PRDM16: variants seen among roughly 807,000 people sequenced by gnomAD.
PRDM16 encodes the protein PR/SET domain 16.
A neutral mutation model predicts 110.6 loss-of-function variants in PRDM16; 23 were observed. The observed-to-expected ratio is 0.21, with a 90% confidence interval of 0.15 to 0.29. The LOEUF (loss-of-function observed/expected upper bound fraction) is 0.29, where lower values mean the gene tolerates loss of function less well. PRDM16 is among the 10% of genes least tolerant of loss of function. PRDM16 has a pLI of 1.00. For synonymous variants in PRDM16, 799 were observed against 781.8 expected (o/e 1.02, Z -0.37); for missense variants, 1,615 against 1,794.3 (o/e 0.90, Z 1.81).
At chr1:3,225,567 T>TGCGCGCGC (rs1366449613) in intron 2 of PRDM16, among the ~76,000 whole-genome samples, 2 of 124,166 alleles carry the variant, frequency 1.6e-5, no homozygotes, top group African/African-American at 7.7e-5. Context: ...TGTGTGTGTG[T>TGCGCGCGC]GTGTGTGCGC....
At chr1:3,109,844 C>G (rs552555233) in intron 1 of PRDM16, among the ~76,000 whole-genome samples, 61 of 152,336 alleles carry the variant, frequency 4.0e-4, no homozygotes, top group African/African-American at 1.4e-3. Context: ...AGGGGAAGCT[C>G]ATTTGTGTTG....
chr1:3,418,359 G>A (rs967493931), intron 11 of PRDM16, among the ~76,000 whole-genome samples: 6 of 152,122 alleles, frequency 3.9e-5, no homozygotes, highest in African/African-American at 4.8e-5. Context: ...ACACCCTCCC[G>A]GCCACCCTCT....
At chr1:3,225,510 C>T (rs1345456229) in intron 2 of PRDM16, among the ~76,000 whole-genome samples, 11 of 150,358 alleles carry the variant, frequency 7.3e-5, no homozygotes, top group Non-Finnish European at 5.9e-5. Context: ...CACAGCCTGA[C>T]CTGATGATGT....
chr1:3,225,530 C>CTGTGTGTG (rs57169358), intron 2 of PRDM16, among the ~76,000 whole-genome samples: 6 of 139,128 alleles, frequency 4.3e-5, no homozygotes, highest in Admixed American at 1.4e-4. Context: ...TGCAGCTTGC[C>CTGTGTGTG]TGTGTGTGTG....
At chr1:3,075,126 C>T (rs571798341) in intron 1 of PRDM16, among the ~76,000 whole-genome samples, 1 of 152,386 alleles carries the variant, frequency 6.6e-6, no homozygotes, top group South Asian at 2.1e-4. Context: ...TAGCCTGAGA[C>T]GCGGGAACAA....
chr1:3,118,270 A>T (rs982460881), intron 1 of PRDM16, among the ~76,000 whole-genome samples: 2 of 152,204 alleles, frequency 1.3e-5, no homozygotes, highest in African/African-American at 4.8e-5. Context: ...CAGAAGGCTG[A>T]TCCAGACCTG....
intron 3 of PRDM16, among the ~76,000 whole-genome samples, chr1:3,380,393 G>A (rs547001103): frequency 6.6e-6 from 1 of 152,188 alleles, no homozygotes; most frequent in African/African-American, 2.4e-5. Context: ...CTATTAAATT[G>A]GTCAGGGGTT....
chr1:3,073,944 C>T (rs531620208), intron 1 of PRDM16, among the ~76,000 whole-genome samples: 1 of 152,186 alleles, frequency 6.6e-6, no homozygotes, highest in Non-Finnish European at 1.5e-5. Flanking sequence ...CCAGGCCCCC[C>T]GCTTGCCTGG....
intron 3 of PRDM16, among the ~76,000 whole-genome samples, chr1:3,314,517 T>G (rs949227618): frequency 6.6e-6 from 1 of 152,026 alleles, no homozygotes; most frequent in African/African-American, 2.4e-5. Context: ...CCCACATAGT[T>G]ATCCTGCTCC....
In PRDM16 at chr1:3,244,193, C is replaced by A; in HGVS notation, c.438+56C>A. ...TCCCCAGCGTCCTCGGAGCTCCTGG[C>A]GGGGCGACCGCCATCCCAGCTGTCC... is the stretch of plus-strand genomic sequence containing the variant. On this transcript the variant is annotated intron_variant, in intron 3 of 16. Coordinates refer to ENST00000270722, the MANE Select transcript of PRDM16 (RefSeq NM_022114.4). This position sits in a 1 kb window ranked among gnomAD's most constrained non-coding sequence, Gnocchi z 4.1. 3 of 1,527,468 alleles carry A rather than the reference C, an allele frequency of 2.0e-6. No homozygotes were observed. The highest frequency in any genetic ancestry group is 1.1e-5 in the South Asian group (1 of 89,338). 94.6% of individuals were successfully genotyped at this position (1,527,468 alleles called of 1,614,324 possible). A position where few individuals can be genotyped will look rare whatever the true frequency, so the allele number is the denominator to read the frequency against.
chr1:3,385,922 C>T (rs1281673004), intron 4 of PRDM16, among the ~76,000 whole-genome samples: 1 of 152,236 alleles, frequency 6.6e-6, no homozygotes, highest in African/African-American at 2.4e-5. Flanking sequence ...ACGGCTGGTC[C>T]ACACCACCAC....
chr1:3,344,281 TC>T (rs1256946326), intron 3 of PRDM16, among the ~76,000 whole-genome samples: 1 of 152,050 alleles, frequency 6.6e-6, no homozygotes, highest in Non-Finnish European at 1.5e-5. Flanking sequence ...GTCACTGCCC[TC>T]CAGCCTGGAT....
chr1:3,246,804 G>C lies in PRDM16; in HGVS notation c.438+2667G>C, dbSNP rs546502684. 3.9e-5 allele frequency among the ~76,000 whole-genome samples: 6 copies of C among 152,190 alleles called. No homozygotes were observed. The highest frequency in any genetic ancestry group is 7.3e-5 in the Non-Finnish European group (5 of 68,028). ...TTCAGTTACATTTCTAGGCACTCTC[G>C]GGGAGCCGGGGGGGTTGGGGCTGAG... On this transcript the variant is annotated intron_variant, in intron 3 of 16. Coordinates refer to ENST00000270722, the MANE Select transcript of PRDM16 (RefSeq NM_022114.4). The surrounding 1 kb of genome is among the most constrained non-coding windows in gnomAD (Gnocchi z 5.2).
chr1:3,195,737 G>A (rs1192524622), intron 2 of PRDM16, among the ~76,000 whole-genome samples: 1 of 152,186 alleles, frequency 6.6e-6, no homozygotes, highest in African/African-American at 2.4e-5. Flanking sequence ...CTTCTGCGTG[G>A]GGGCGTGGCC....
intron 1 of PRDM16, among the ~76,000 whole-genome samples, chr1:3,171,270 C>A (rs964655526): frequency 6.6e-6 from 1 of 152,224 alleles, no homozygotes; most frequent in Non-Finnish European, 1.5e-5. Context: ...TCGGCTGTTA[C>A]GGCGCTTGCT....
Position 3,081,790 on chromosome 1 carries a change from A to C in PRDM16, c.37+12494A>C, listed in dbSNP as rs951045363. On this transcript the variant is annotated intron_variant, in intron 1 of 16. Coordinates refer to ENST00000270722, the MANE Select transcript of PRDM16 (RefSeq NM_022114.4). This position sits in a 1 kb window ranked among gnomAD's most constrained non-coding sequence, Gnocchi z 4.6. ...GAAGGCCCGTGTTGGGGGACCTTCC[A>C]TGGGCAGCAGGGCAGCAAGGGAGAC... 6.6e-6 allele frequency among the ~76,000 whole-genome samples: 1 copy of C among 151,838 alleles called. No homozygotes were observed. Among genetic ancestry groups the C allele is most frequent in the African/African-American group, 2.4e-5 (1 of 41,354 alleles).
intron 1 of PRDM16, among the ~76,000 whole-genome samples, chr1:3,141,368 T>C (rs1056900678): frequency 2.0e-5 from 3 of 152,138 alleles, no homozygotes; most frequent in African/African-American, 7.2e-5. Flanking sequence ...GCAAACCTAA[T>C]GGGGAGGAGG....
At chr1:3,159,679 A>G (rs78646922) in intron 1 of PRDM16, among the ~76,000 whole-genome samples, 3,986 of 152,298 alleles carry the variant, frequency 0.026, 132 homozygotes, top group East Asian at 0.11. Context: ...GCCAGTGTGT[A>G]GGAGGAAGAA....
chr1:3,403,871 C>T (rs1399575784), intron 6 of PRDM16, among the ~76,000 whole-genome samples: 1 of 152,244 alleles, frequency 6.6e-6, no homozygotes, highest in Non-Finnish European at 1.5e-5. Context: ...GATTACCGCC[C>T]ATCCCCGCAC....
Sources: allele counts gnomAD v4.1 joint callset (sites outside exome capture counted in the v4.1 genomes callset), GRCh38; gene constraint gnomAD v4.1.1; non-coding constraint Gnocchi (gnomAD v3.1); transcripts MANE v1.5; gene names NCBI Gene and HGNC (gene_info 2026-07-23, HGNC 2026-07-21).